Variants in RP1 observed in about 807,000 individuals in gnomAD.
The protein encoded by RP1 is oxygen-regulated protein 1.
In RP1, 16 loss-of-function variants were observed where a neutral mutation model predicts 14.8. The ratio of observed to expected loss-of-function variants is 1.08; its 90% CI spans 0.73 to 1.65. The LOEUF (loss-of-function observed/expected upper bound fraction) is 1.65. Among genes scored for constraint, RP1 ranks in the 40% most tolerant of loss-of-function variants. The pLI is 0.00. For synonymous variants in RP1, 876 were observed against 883.6 expected (o/e 0.99, Z 0.15); for missense variants, 2,631 against 2,535.0 (o/e 1.04, Z -0.81).
intron 1 of RP1, among the ~76,000 whole-genome samples, chr8:54,585,509 C>T (rs1260387965): frequency 3.3e-5 from 5 of 152,076 alleles, no homozygotes; most frequent in South Asian, 2.1e-4. Flanking sequence ...ATCTTTGTGG[C>T]GTTCTCTGTA....
At chr8:54,655,195 T>C (rs1169827662) in intron 5 of RP1, among the ~76,000 whole-genome samples, 1 of 152,200 alleles carries the variant, frequency 6.6e-6, no homozygotes, top group African/African-American at 2.4e-5. Flanking sequence ...ACTGAAGTTT[T>C]AAAGTAATTT....
At chr8:54,723,526 T>C (rs1808582045) in intron 16 of RP1, among the ~76,000 whole-genome samples, 1 of 152,222 alleles carries the variant, frequency 6.6e-6, no homozygotes, top group African/African-American at 2.4e-5. Flanking sequence ...CTCTTCACTC[T>C]CTATTTTCAT....
intron 19 of RP1, among the ~76,000 whole-genome samples, chr8:54,740,403 TAAAAAAAAAAAAA>T (rs34753388): frequency 1.2e-5 from 1 of 80,244 alleles, no homozygotes; most frequent in African/African-American, 4.6e-5. Context: ...GCTTAAAAAG[TAAAAAAAAAAAAA>T]AAAAAAAAAA....
chr8:54,769,870 A>C, exon 23 of RP1: 1 of 1,085,462 alleles, frequency 9.2e-7, no homozygotes, highest in South Asian at 1.5e-5. Context: ...ATCATGGAAC[A>C]CTATTCCCCA....
At chr8:54,826,098 A>T (rs1347555413) in intron 24 of RP1, among the ~76,000 whole-genome samples, 3 of 152,154 alleles carry the variant, frequency 2.0e-5, no homozygotes, top group Non-Finnish European at 4.4e-5. Flanking sequence ...AAGCAAAAAA[A>T]GTTGTAATAA....
intron 24 of RP1, among the ~76,000 whole-genome samples, chr8:54,786,037 A>T (rs1281854770): frequency 1.3e-5 from 2 of 152,084 alleles, no homozygotes; most frequent in Non-Finnish European, 2.9e-5. Flanking sequence ...CCCCAAGATA[A>T]CAAATAAAAA....
intron 26 of RP1, among the ~76,000 whole-genome samples, chr8:54,855,617 CTG>C (rs1431877032): frequency 6.6e-6 from 1 of 152,146 alleles, no homozygotes; most frequent in South Asian, 2.1e-4. Context: ...TGTTTGCAGA[CTG>C]TGTATAGAAA....
exon 27 of RP1, chr8:54,857,090 T>A (rs1230780775): frequency 6.6e-6 from 8 of 1,221,218 alleles, no homozygotes; most frequent in Non-Finnish European, 8.2e-6. Context: ...TGATTAGTCA[T>A]GATGGAACAG....
At chr8:54,830,400 T>A (rs1436136738) in intron 24 of RP1, among the ~76,000 whole-genome samples, 2 of 152,080 alleles carry the variant, frequency 1.3e-5, no homozygotes, top group East Asian at 1.9e-4. Context: ...TCATTTACAT[T>A]AGGTATATTT....
chr8:54,688,152 T>C (rs530813999), intron 12 of RP1, among the ~76,000 whole-genome samples: 1 of 152,340 alleles, frequency 6.6e-6, no homozygotes, highest in African/African-American at 2.4e-5. Context: ...CATTTTTTGA[T>C]AGGGTTGTTT....
intron 16 of RP1, among the ~76,000 whole-genome samples, chr8:54,720,857 A>G (rs1808518842): frequency 6.6e-6 from 1 of 152,226 alleles, no homozygotes; most frequent in Non-Finnish European, 1.5e-5. Context: ...CATTATTTAA[A>G]CATGTATTTG....
chr8:54,845,773 CTG>C (rs777525419), intron 25 of RP1, among the ~76,000 whole-genome samples: 1 of 152,200 alleles, frequency 6.6e-6, no homozygotes, highest in Non-Finnish European at 1.5e-5. Flanking sequence ...AGATGGCTGA[CTG>C]TGGGTGAGGC....
In RP1 at chr8:54,582,024, A is replaced by G. The variant is rs191726598; in HGVS notation, c.-13+22704A>G. Among the ~76,000 whole-genome samples, 1,190 of 152,236 alleles carry G rather than the reference A, an allele frequency of 7.8e-3. 16 individuals carry two copies. The highest frequency in any genetic ancestry group is 0.027 in the African/African-American group (1,127 of 41,544). ...TAGTTTAATTAGATCCCATTTGTCA[A>G]TTTTGGCTTTTGTTGCCATTGCTTT... On this transcript the variant is annotated intron_variant, in intron 1 of 22. Transcript: ENST00000636932.
intron 1 of RP1, among the ~76,000 whole-genome samples, chr8:54,566,960 C>T (rs544142117): frequency 3.9e-5 from 6 of 152,202 alleles, no homozygotes; most frequent in East Asian, 1.9e-4. Flanking sequence ...AGGTGAGCCA[C>T]GAACTCTGAA....
At chr8:54,779,044 C>G (rs1367740248) in intron 23 of RP1, among the ~76,000 whole-genome samples, 4 of 152,048 alleles carry the variant, frequency 2.6e-5, no homozygotes, top group Non-Finnish European at 5.9e-5. Flanking sequence ...CTTTATCCCC[C>G]CAAGTCACCT....
intron 15 of RP1, among the ~76,000 whole-genome samples, chr8:54,719,263 C>T (rs1238257381): frequency 2.6e-5 from 4 of 152,180 alleles, no homozygotes; most frequent in Middle Eastern, 3.4e-3. Context: ...CTTCTCTACT[C>T]GACCATGAAC....
At chr8:54,817,382 C>G (rs1263436926) in intron 24 of RP1, among the ~76,000 whole-genome samples, 1 of 152,010 alleles carries the variant, frequency 6.6e-6, no homozygotes, top group African/African-American at 2.4e-5. Context: ...TTGCCCAAGG[C>G]TTGGAAAGGT....
At chr8:54,813,022 C>G (rs1187127767) in intron 24 of RP1, among the ~76,000 whole-genome samples, 1 of 152,220 alleles carries the variant, frequency 6.6e-6, no homozygotes, top group African/African-American at 2.4e-5. Flanking sequence ...AGTTTCTGCT[C>G]TCATTTTCTG....
At position 54,627,372 on chromosome 8, in the gene RP1, T is replaced by C. The variant is rs958487847; in HGVS notation, c.3490T>C (p.Leu1164=). The change falls in exon 4 of 4, where the codon TTG becomes CTG. Residue 1164 remains leucine, a synonymous_variant. Transcript: ENST00000220676. ...CAAATCTTCAGAAACACTTGCATTG[T>C]TGGAGATTCTAAAGCACATAGCTAT... is the stretch of plus-strand genomic sequence containing the variant. ...TNKSSETLAL[L]EILKHIAITE... The C allele has an allele frequency of 3.7e-6, 6 of 1,614,042 alleles. No individual in the cohort carries two copies. Among genetic ancestry groups the C allele is most frequent in the Non-Finnish European group, 4.2e-6 (5 of 1,179,996 alleles).
Sources: allele counts gnomAD v4.1 joint callset (sites outside exome capture counted in the v4.1 genomes callset), GRCh38; gene constraint gnomAD v4.1.1; transcripts MANE v1.5; gene names NCBI Gene and HGNC (gene_info 2026-07-23, HGNC 2026-07-21).